INF2: variants seen among roughly 807,000 people sequenced by gnomAD.
The protein encoded by INF2 is inverted formin 2, also known as inverted formin-2.
In INF2, 43 loss-of-function variants were observed where a neutral mutation model predicts 123.5. That is an observed-to-expected ratio of 0.35 (90% CI 0.27 to 0.45). INF2 has a LOEUF of 0.45. Ranked by LOEUF, INF2 falls within the 20% of genes least tolerant of loss-of-function variation. The probability of loss-of-function intolerance (pLI) is 1.00; values close to 1 mark genes in which losing one functional copy is unlikely to be tolerated. For synonymous variants in INF2, 851 were observed against 745.0 expected (o/e 1.14, Z -2.32); for missense variants, 1,453 against 1,682.7 (o/e 0.86, Z 2.39).
At position 104,703,084 on chromosome 14, in the gene INF2, C is replaced by T. The variant is rs746316024; in HGVS notation, c.392-21C>T. On this transcript the variant is annotated intron_variant, in intron 2 of 22. Transcript: ENST00000392634. The stretch of plus-strand genomic sequence containing the variant: ...AAGGGGTGCATTGGCCCTGCTGAGC[C>T]TGCCCACTCCACCCTGGCAGCCCTG... 1.3e-5 allele frequency: 20 copies of T among 1,593,316 alleles called. No homozygotes were observed. The East Asian group carries it at 4.2e-4, about 34-fold the overall frequency.
At position 104,712,303 on chromosome 14, in the gene INF2, C is replaced by T. The variant is rs567564825; in HGVS notation, c.2490-130C>T. 594 of 1,251,076 alleles carry T rather than the reference C, an allele frequency of 4.7e-4. 5 individuals carry two copies. The African/African-American group carries it at 7.1e-3, about 15-fold the overall frequency. The allele number at this position is 1,251,076 out of a possible 1,614,324, so 77.5% of individuals were successfully genotyped here. A position where few individuals can be genotyped will look rare whatever the true frequency, so the allele number is the denominator to read the frequency against. ...ACAGGCACTCAACCCCAACACTGCA[C>T]GTGCAGCCTCAGAGTACAGCCTGCA... On this transcript the variant is annotated intron_variant, in intron 16 of 22. Coordinates refer to ENST00000392634, the MANE Select transcript of INF2 (RefSeq NM_022489.4).
At chr14:104,682,033 T>C (rs905882832) in intron 1 of INF2, among the ~76,000 whole-genome samples, 16 of 150,864 alleles carry the variant, frequency 1.1e-4, no homozygotes, top group Non-Finnish European at 1.5e-4. Context: ...GGGGTGGGGG[T>C]CCCAGAAGAG....
intron 1 of INF2, among the ~76,000 whole-genome samples, chr14:104,694,876 G>A (rs1382146864): frequency 6.6e-6 from 1 of 152,146 alleles, no homozygotes; most frequent in East Asian, 1.9e-4. Flanking sequence ...CAGGCAGGGT[G>A]GGGGCTGGAC....
chr14:104,718,026 T>C (rs555354509), intron 22 of INF2, among the ~76,000 whole-genome samples: 22 of 152,368 alleles, frequency 1.4e-4, no homozygotes, highest in Admixed American at 1.3e-3. Context: ...CCAGACTTGC[T>C]GATCCCCCCA....
Position 104,699,710 on chromosome 14 carries a change from C to A in INF2, c.-9-1647C>A. On this transcript the variant is annotated intron_variant, in intron 1 of 22. Coordinates refer to ENST00000392634, the MANE Select transcript of INF2 (RefSeq NM_022489.4). The surrounding 1 kb of genome is among the most constrained non-coding windows in gnomAD (Gnocchi z 4.7). ...CGTTCTACAGTGCCCAGACCAGGAC[C>A]CCCTGCAGGGAGGAGGGGCATCCCA... 2.0e-6 allele frequency: 1 copy of A among 510,956 alleles called. No individual in the cohort carries two copies. The highest frequency in any genetic ancestry group is 2.5e-6 in the Non-Finnish European group (1 of 396,384). The allele number at this position is 510,956 out of a possible 1,614,324, so 31.7% of individuals were successfully genotyped here.
intron 22 of INF2, chr14:104,715,915 G>C (rs2140706416): frequency 2.2e-6 from 1 of 456,292 alleles, no homozygotes; most frequent in East Asian, 6.9e-5. Context: ...CTGTTGGACA[G>C]TGTCCTCCCA....
chr14:104,688,149 T>C (rs1333301362), upstream of INF2, among the ~76,000 whole-genome samples: 1 of 152,246 alleles, frequency 6.6e-6, no homozygotes, highest in African/African-American at 2.4e-5. Context: ...AGTGCCTGTC[T>C]AGGAGCAGCG....
At chr14:104,704,232 T>C in intron 5 of INF2, 2 of 1,354,072 alleles carry the variant, frequency 1.5e-6, no homozygotes, top group Non-Finnish European at 1.9e-6. Context: ...CTGGAGGCCG[T>C]GATCCTAAGT....
In INF2 at chr14:104,707,892, T is replaced by C. The variant is rs1467920811; in HGVS notation, c.1625T>C (p.Val542Ala). 9 of 1,604,776 alleles carry C rather than the reference T, an allele frequency of 5.6e-6. No homozygotes were observed. The highest frequency in any genetic ancestry group is 7.6e-6 in the Non-Finnish European group (9 of 1,179,498). ...ATGGAGGAGGTCATCGTGGCCCAGG[T>C]GGACCATGGCTTGGGCTCAGCATGG... is the stretch of plus-strand genomic sequence containing the variant. ...GGMEEVIVAQ[V>A]DHGLGSAWVP... The change falls in exon 8 of 23, where the codon GTG (valine) becomes GCG (alanine). Residue 542 changes from valine (V) to alanine (A), a missense_variant. Coordinates refer to ENST00000392634, the MANE Select transcript of INF2 (RefSeq NM_022489.4).
Position 104,711,618 on chromosome 14 carries a change from T to TC in INF2, c.2419-8dup. Reference sequence around the variant, plus strand: ...ACCACAGTGGATCTCACTGGACGTGTCCCATTGCAGGAAGCGGAAAAGAGC... The same window carrying TC: ...ACCACAGTGGATCTCACTGGACGTGTCCCCATTGCAGGAAGCGGAAAAGAGC... On this transcript the variant is annotated splice_polypyrimidine_tract_variant and intron_variant, in intron 15 of 22. Coordinates refer to ENST00000392634, the MANE Select transcript of INF2 (RefSeq NM_022489.4). 1 of 1,612,082 alleles carries TC rather than the reference T, an allele frequency of 6.2e-7. No individual in the cohort carries two copies. The highest frequency in any genetic ancestry group is 8.5e-7 in the Non-Finnish European group (1 of 1,179,408).
Position 104,709,325 on chromosome 14 carries a change from C to A in INF2, c.1994C>A (p.Thr665Asn), listed in dbSNP as rs1279137766. Residue 665 changes from threonine to asparagine, a missense_variant, in exon 11 of 23, where the codon ACC becomes AAC. By Grantham distance (65) the Thr-to-Asn change is moderately conservative (BLOSUM62 0). This residue lies in a region of INF2 where 192 missense variants were observed against 274.4 expected (regional missense o/e 0.70). Coordinates refer to ENST00000392634, the MANE Select transcript of INF2 (RefSeq NM_022489.4). ...GCTATGATCCGGGCTGGAGATACCACCAAGTTTGATGTGGAGGTTCTCAAA... is the reference window on the plus strand; with the variant it reads ...GCTATGATCCGGGCTGGAGATACCAACAAGTTTGATGTGGAGGTTCTCAAA... ...VAAMIRAGDT[T>N]KFDVEVLKQL... The A allele has an allele frequency of 1.2e-6, 2 of 1,613,060 alleles. No individual in the cohort carries two copies. The highest frequency in any genetic ancestry group is 2.7e-5 in the African/African-American group (2 of 74,930).
Position 104,706,989 on chromosome 14 carries a change from G to A in INF2, c.923G>A (p.Ser308Asn), listed in dbSNP as rs1466753309. 1.2e-5 allele frequency: 19 copies of A among 1,598,744 alleles called. No homozygotes were observed. The highest frequency in any genetic ancestry group is 1.5e-5 in the Non-Finnish European group (18 of 1,178,600). ...CACCTGGAGCCCACCCTCCGCTCCA[G>A]CCAGCTGCTCTGGGAGGCCCTGGAG... ...LLHLEPTLRS[S>N]QLLWEALESL... is the part of the protein sequence containing the mutation. Residue 308 changes from serine (S) to asparagine (N), a missense_variant, in exon 7 of 23, where the codon AGC (serine) becomes AAC (asparagine). Coordinates refer to ENST00000392634, the MANE Select transcript of INF2 (RefSeq NM_022489.4).
upstream of INF2, chr14:104,685,045 C>A (rs1888622933): frequency 6.6e-6 from 1 of 152,228 alleles, no homozygotes; most frequent in Non-Finnish European, 1.5e-5. Context: ...GAGATGCAGA[C>A]TGTTCTTAAG....
intron 17 of INF2, 82 bp downstream of exon 17, chr14:104,712,635 G>A: frequency 6.3e-7 from 1 of 1,598,140 alleles, no homozygotes; most frequent in South Asian, 1.1e-5. Context: ...GCTGTCTCCT[G>A]GCTCCAGGGT....
At chr14:104,712,382 G>A (rs944608040) in intron 16 of INF2, 51 bp from the exon 17 acceptor site, 47 of 1,608,752 alleles carry the variant, frequency 2.9e-5, no homozygotes, top group Admixed American at 1.2e-4. Flanking sequence ...CTGTCCCAGC[G>A]AGGCTGACGT....
chr14:104,682,427 A>G (rs1357368367), intron 1 of INF2, among the ~76,000 whole-genome samples: 1 of 152,200 alleles, frequency 6.6e-6, no homozygotes, highest in Non-Finnish European at 1.5e-5. Context: ...AGACTGGCAG[A>G]TAAGGTGCCC....
Position 104,707,732 on chromosome 14 carries a change from C to CA in INF2, c.1465_1466insA (p.Pro489HisfsTer91). 1 of 1,341,984 alleles carries CA rather than the reference C, an allele frequency of 7.5e-7. No homozygotes were observed. The highest frequency in any genetic ancestry group is 1.0e-6 in the Non-Finnish European group (1 of 972,136). The allele number at this position is 1,341,984 out of a possible 1,614,324, so 83.1% of individuals were successfully genotyped here. ...GCCAGGCTCCTGTGAGTTCCTGCCC[C>CA]CACCACCTCCACCACTCCCGGGCTT... On this transcript the variant is annotated frameshift_variant, in exon 8 of 23. Transcript: ENST00000392634. LOFTEE classifies it high-confidence loss of function.
At chr14:104,693,099 G>A (rs912512459) in intron 1 of INF2, among the ~76,000 whole-genome samples, 2 of 152,366 alleles carry the variant, frequency 1.3e-5, no homozygotes, top group South Asian at 2.1e-4. Flanking sequence ...CGCCGATCAA[G>A]GCCTTTGCAG....
chr14:104,715,664 G>A (rs1379997125), intron 22 of INF2: 2 of 567,374 alleles, frequency 3.5e-6, no homozygotes, highest in Non-Finnish European at 6.5e-6. Context: ...CCTGGGGCGT[G>A]GGCGGGACCT....
Sources: allele counts gnomAD v4.1 joint callset (sites outside exome capture counted in the v4.1 genomes callset), GRCh38; gene constraint gnomAD v4.1.1; regional missense constraint gnomAD v4.1.1; non-coding constraint Gnocchi (gnomAD v3.1); transcripts MANE v1.5; gene names NCBI Gene and HGNC (gene_info 2026-07-23, HGNC 2026-07-21).